The following P2RX5 variants were observed in gnomAD, a reference collection of about 807,000 sequenced individuals.
P2RX5 encodes the protein purinergic receptor P2X 5.
In P2RX5, 46 loss-of-function variants were observed where a neutral mutation model predicts 54.1. The observed-to-expected ratio is 0.85, with a 90% CI of 0.67 to 1.09. P2RX5 has a LOEUF of 1.09. Ranked by LOEUF, P2RX5 falls within the 50% of genes least tolerant of loss-of-function variation. The pLI, the probability that P2RX5 is intolerant of heterozygous loss-of-function variation, is 0.00. For synonymous variants in P2RX5, 226 were observed against 226.4 expected (o/e 1.00, Z 0.02); for missense variants, 566 against 549.8 (o/e 1.03, Z -0.29).
At chr17:3,697,108 G>T (rs1287525293), upstream of P2RX5, among the ~76,000 whole-genome samples, 1 of 136,214 alleles carries the variant, frequency 7.3e-6, no homozygotes, top group Non-Finnish European at 1.6e-5. Flanking sequence ...GCAGCATGAA[G>T]ACCTCCCTCC....
At chr17:3,702,098 G>A in the P2RX5 span, among the ~76,000 whole-genome samples, 75,344 of 151,582 alleles carry the variant, frequency 0.5, 20,869 homozygotes, top group South Asian at 0.69. Context: ...GACTTGGAGA[G>A]CTTTTCTGTC....
the P2RX5 span, among the ~76,000 whole-genome samples, chr17:3,719,200 G>A: frequency 7.5e-6 from 1 of 133,810 alleles, no homozygotes; most frequent in Non-Finnish European, 1.5e-5. Flanking sequence ...GGCACCAACG[G>A]ACTCCAGCCT....
the P2RX5 span, among the ~76,000 whole-genome samples, chr17:3,710,301 C>T: frequency 6.6e-6 from 1 of 151,874 alleles, no homozygotes; most frequent in Non-Finnish European, 1.5e-5. Context: ...GTGGCATGCA[C>T]CTGCAGTCCC....
At chr17:3,714,255 G>GCTTTTTT in the P2RX5 span, among the ~76,000 whole-genome samples, 189 of 145,542 alleles carry the variant, frequency 1.3e-3, 1 homozygote, top group Admixed American at 4.7e-3. Flanking sequence ...TTGAGATGGA[G>GCTTTTTT]TCTCACTCTG....
At chr17:3,700,325 A>G (rs1409605164), upstream of P2RX5, among the ~76,000 whole-genome samples, 1 of 152,082 alleles carries the variant, frequency 6.6e-6, no homozygotes, top group East Asian at 1.9e-4. Context: ...ACGAGGTCAG[A>G]AGTTTGAGAC....
At chr17:3,723,320 C>A in the P2RX5 span, 1 of 1,613,584 alleles carries the variant, frequency 6.2e-7, no homozygotes, top group Non-Finnish European at 8.5e-7. Context: ...ATCTCTGCAG[C>A]CACGGTGACA....
At chr17:3,691,115 C>A in intron 2 of P2RX5, 88 bp from the exon 3 acceptor site, 1 of 993,968 alleles carries the variant, frequency 1.0e-6, no homozygotes, top group Non-Finnish European at 1.6e-6. Context: ...GAGGGCGGTC[C>A]CTCTGCCTGG....
chr17:3,689,476 C>T lies in P2RX5; in HGVS notation c.753+16G>A, dbSNP rs757606314. The T allele has an allele frequency of 6.2e-6, 10 of 1,613,392 alleles. No individual in the cohort carries two copies. The highest frequency in any genetic ancestry group is 1.7e-4 in the Middle Eastern group (1 of 6,008). ...CCAGGCCCTCAGGGAGGGCTCCCTG[C>T]GTGCACCCCACCCACCTCCAGGGCT... is the stretch of plus-strand genomic sequence containing the variant. On this transcript the variant is annotated intron_variant, in intron 7 of 11. Coordinates refer to ENST00000225328, the MANE Select transcript of P2RX5 (RefSeq NM_002561.4).
At chr17:3,723,601 T>A in the P2RX5 span, 1 of 1,369,658 alleles carries the variant, frequency 7.3e-7, no homozygotes, top group Non-Finnish European at 9.9e-7. Context: ...CCGGCAGGGG[T>A]AACCCAGGAA....
rs147017793 is a variant in P2RX5 at position 3,679,756 on chromosome 17, C to A, written c.1093G>T (p.Glu365Ter). Residue 365 changes from glutamate to a stop codon, truncating the protein, a stop_gained, in exon 11 of 12, where the codon GAG becomes TAG. Transcript: ENST00000225328. LOFTEE classifies it high-confidence loss of function. ...RGLEDSSQEA[E>*]DEASGLGLSE... is the part of the protein sequence containing the mutation. ...AGCCCCAGCCCCGATGCCTCGTCCT[C>A]GGCCTCCTGGGAACTGTCTTCTAGG... The A allele has an allele frequency of 5.6e-6, 9 of 1,611,638 alleles. No homozygotes were observed. Among genetic ancestry groups the A allele is most frequent in the Non-Finnish European group, 7.6e-6 (9 of 1,179,814 alleles).
At position 3,696,079 on chromosome 17, in the gene P2RX5, C is replaced by T. The variant is rs2050753471; in HGVS notation, c.-74G>A. 5 of 1,504,364 alleles carry T rather than the reference C, an allele frequency of 3.3e-6. 1 individual carries two copies. The highest frequency in any genetic ancestry group is 4.5e-5 in the Admixed American group (2 of 44,674). The allele number at this position is 1,504,364 out of a possible 1,614,324, so 93.2% of individuals were successfully genotyped here. A position where few individuals can be genotyped will look rare whatever the true frequency, so the allele number is the denominator to read the frequency against. On this transcript the variant is annotated 5_prime_UTR_variant, in exon 1 of 12. Coordinates refer to ENST00000225328, the MANE Select transcript of P2RX5 (RefSeq NM_002561.4). ...TGGGGAGCACTCGGTCCCTCGGTCC[C>T]TGCGCGCCCGGCGCCCGCCTCGGCC...
chr17:3,680,036 C>CCCTCCACCCTACATCCTCCACCCTGCAT (rs2050201394), intron 10 of P2RX5, among the ~76,000 whole-genome samples: 1 of 123,964 alleles, frequency 8.1e-6, no homozygotes. Context: ...CCACCCAGCT[C>CCCTCCACCCTACATCCTCCACCCTGCAT]CCTCCACCCT....
intron 10 of P2RX5, among the ~76,000 whole-genome samples, chr17:3,681,083 C>A (rs903206948): frequency 6.6e-6 from 1 of 152,200 alleles, no homozygotes; most frequent in Non-Finnish European, 1.5e-5. Context: ...GTCCTCCACC[C>A]GGCTTCCTCT....
chr17:3,723,784 A>G, the P2RX5 span: 1 of 1,600,536 alleles, frequency 6.2e-7, no homozygotes, highest in South Asian at 1.1e-5. Context: ...TGAACAAACC[A>G]AGCCGCCAGT....
At chr17:3,697,347 CG>C (rs71379595), upstream of P2RX5, among the ~76,000 whole-genome samples, 23 of 152,096 alleles carry the variant, frequency 1.5e-4, no homozygotes, top group African/African-American at 3.6e-4. Context: ...GGAGGGCCTC[CG>C]GGGGGGCAGG....
the P2RX5 span, chr17:3,714,648 T>G: frequency 4.5e-6 from 2 of 442,684 alleles, no homozygotes; most frequent in Non-Finnish European, 4.0e-6. Context: ...AGTGTAAATT[T>G]ATTTAATACC....
chr17:3,679,021 G>A (rs2050166397), intron 11 of P2RX5, among the ~76,000 whole-genome samples: 1 of 152,206 alleles, frequency 6.6e-6, no homozygotes, highest in Non-Finnish European at 1.5e-5. Context: ...CCCTCCTGAG[G>A]CCGGGGCAGC....
chr17:3,676,454 C>T (rs1366985245), intron 11 of P2RX5: 1 of 983,816 alleles, frequency 1.0e-6, no homozygotes, highest in Middle Eastern at 5.2e-4. Flanking sequence ...TCCTTTGCAC[C>T]TTCTAAACTT....
intron 7 of P2RX5, 79 bp from the exon 8 acceptor site, chr17:3,688,838 A>C: frequency 6.6e-7 from 1 of 1,513,124 alleles, no homozygotes; most frequent in Non-Finnish European, 9.1e-7. Flanking sequence ...CTTCACCGGC[A>C]CTGGACAATA....
Sources: gnomAD v4.1 joint callset for allele counts (sites outside exome capture counted in the v4.1 genomes callset) on GRCh38, gnomAD v4.1.1 for gene constraint, MANE v1.5 for transcripts, NCBI Gene and HGNC (gene_info 2026-07-23, HGNC 2026-07-21) for gene names.